Variants in MOV10L1 observed in about 807,000 individuals in gnomAD.
MOV10L1 encodes RNA helicase Mov10l1.
Under a neutral mutation model 143.8 loss-of-function variants are expected in MOV10L1, and 110 were observed. That is an observed-to-expected ratio of 0.76 (90% CI 0.66 to 0.90). The LOEUF is 0.90. Ranked by LOEUF, MOV10L1 falls within the 40% of genes least tolerant of loss-of-function variation. The pLI, the probability that MOV10L1 is intolerant of heterozygous loss-of-function variation, is 0.00. For missense variants in MOV10L1, 1,406 were observed against 1,526.8 expected, an observed-to-expected ratio of 0.92 and a Z score of 1.32; for synonymous variants, 593 against 581.1, an observed-to-expected ratio of 1.02 and a Z score of -0.29.
At chr22:50,144,075 C>A in intron 17 of MOV10L1, 22 bp from the exon 18 acceptor site, 1 of 1,596,566 alleles carries the variant, frequency 6.3e-7, no homozygotes, top group Non-Finnish European at 8.6e-7. Flanking sequence ...GAGCCTTGGT[C>A]TCTTGTGTGT....
chr22:50,113,605 G>T, intron 5 of MOV10L1, 43 bp from the exon 6 acceptor site: 1 of 1,601,798 alleles, frequency 6.2e-7, no homozygotes, highest in East Asian at 2.2e-5. Context: ...AGGAAGGGGT[G>T]GTGCTGCTGC....
intron 3 of MOV10L1, among the ~76,000 whole-genome samples, chr22:50,103,110 G>A (rs1392635425): frequency 6.6e-6 from 1 of 152,152 alleles, no homozygotes; most frequent in African/African-American, 2.4e-5. Flanking sequence ...ACAACCCTCT[G>A]AGGTTACCTA....
chr22:50,154,959 T>C (rs570310867), intron 22 of MOV10L1, among the ~76,000 whole-genome samples: 2 of 151,556 alleles, frequency 1.3e-5, no homozygotes, highest in Non-Finnish European at 2.9e-5. Flanking sequence ...ATTTAATCCA[T>C]TTTGGGAGTC....
At chr22:50,132,882 A>G (rs915639554) in intron 13 of MOV10L1, among the ~76,000 whole-genome samples, 3 of 152,146 alleles carry the variant, frequency 2.0e-5, no homozygotes, top group African/African-American at 7.2e-5. Flanking sequence ...TAAAAATACA[A>G]ATAATCAGCC....
chr22:50,091,871 C>T (rs2062453201), intron 1 of MOV10L1, 130 bp from the exon 2 acceptor site: 1 of 792,516 alleles, frequency 1.3e-6, no homozygotes. Flanking sequence ...CTCAAGTCAG[C>T]CCGTTCGGAG....
chr22:50,112,379 C>T (rs138220), intron 5 of MOV10L1, among the ~76,000 whole-genome samples: 39,503 of 152,124 alleles, frequency 0.26, 5,669 homozygotes, highest in Non-Finnish European at 0.33. Flanking sequence ...GGCTTCCTGT[C>T]TGTTCTCTGA....
At position 50,145,818 on chromosome 22, in the gene MOV10L1, C is replaced by A; in HGVS notation, c.2627+8C>A. 1 of 1,613,444 alleles carries A rather than the reference C, an allele frequency of 6.2e-7. No individual in the cohort carries two copies. Among genetic ancestry groups the A allele is most frequent in the Non-Finnish European group, 8.5e-7 (1 of 1,179,912 alleles). ...TTACCAAATAGGAGTGAGGTGAGCC[C>A]CGGGCATGGAGCGCGGCATGGGGCC... is the stretch of plus-strand genomic sequence containing the variant. On this transcript the variant is annotated splice_region_variant and intron_variant, in intron 19 of 26. Coordinates refer to ENST00000262794, the MANE Select transcript of MOV10L1 (RefSeq NM_018995.3).
At position 50,145,695 on chromosome 22, in the gene MOV10L1, A is replaced by G. The variant is rs1403587680; in HGVS notation, c.2512A>G (p.Ile838Val). ...NATCRFEEIV[I>V]DAVKPYCRDG... ...TACGCCTCCTTGCCCCCAGATAGTT[A>G]TTGACGCCGTCAAACCGTATTGCAG... is the stretch of plus-strand genomic sequence containing the variant. The change falls in exon 19 of 27, where the codon ATT (isoleucine) becomes GTT (valine). Residue 838 changes from isoleucine to valine, a missense_variant. By Grantham distance (29) the Ile-to-Val change is conservative. Transcript: ENST00000262794. 1 of 1,614,080 alleles carries G rather than the reference A, an allele frequency of 6.2e-7. No homozygotes were observed. The highest frequency in any genetic ancestry group is 2.2e-5 in the East Asian group (1 of 44,890).
intron 6 of MOV10L1, among the ~76,000 whole-genome samples, chr22:50,114,085 A>AT (rs1602191238): frequency 6.7e-6 from 1 of 149,914 alleles, no homozygotes; most frequent in African/African-American, 2.5e-5. Flanking sequence ...CGCCCGGCTA[A>AT]TTTTTTGTAT....
At chr22:50,119,459 G>C (rs1000915602) in intron 9 of MOV10L1, among the ~76,000 whole-genome samples, 2 of 152,058 alleles carry the variant, frequency 1.3e-5, no homozygotes, top group Admixed American at 6.5e-5. Context: ...TAGCAGATCT[G>C]TTCTGGGGGG....
intron 15 of MOV10L1, 143 bp from the exon 16 acceptor site, chr22:50,141,938 A>G (rs1332716847): frequency 4.6e-6 from 2 of 433,454 alleles, no homozygotes; most frequent in Non-Finnish European, 7.7e-6. Context: ...TTATTTTTCA[A>G]AGGGTCTGAC....
intron 13 of MOV10L1, among the ~76,000 whole-genome samples, chr22:50,133,805 A>C (rs1406269888): frequency 2.0e-5 from 3 of 152,016 alleles, no homozygotes; most frequent in African/African-American, 7.2e-5. Context: ...CGGCCTCCCA[A>C]AGTGCTGGGA....
chr22:50,117,260 G>A lies in MOV10L1; in HGVS notation c.1363G>A (p.Ala455Thr), dbSNP rs753769357. 4.6e-5 allele frequency: 75 copies of A among 1,613,970 alleles called. No individual in the cohort carries two copies. Among genetic ancestry groups the A allele is most frequent in the Non-Finnish European group, 6.3e-5 (74 of 1,180,036 alleles). ...NVISGEESLIAAREPFSWKKL... is the reference protein window; with the variant it reads ...NVISGEESLITAREPFSWKKL... ...TATCAGTGGGGAGGAGTCACTAATT[G>A]CTGCGCGCGAACCATTTTCTTGGAA... The change falls in exon 9 of 27, where the codon GCT becomes ACT. Residue 455 changes from alanine to threonine, a missense_variant. By Grantham distance (58) the Ala-to-Thr change is moderately conservative. Coordinates refer to ENST00000262794, the MANE Select transcript of MOV10L1 (RefSeq NM_018995.3).
At chr22:50,121,594 C>T (rs1402147047) in intron 10 of MOV10L1, among the ~76,000 whole-genome samples, 2 of 152,246 alleles carry the variant, frequency 1.3e-5, no homozygotes, top group Non-Finnish European at 2.9e-5. Flanking sequence ...AGATCCTGGG[C>T]AGGGAGGTTG....
chr22:50,156,272 C>T (rs1393742838), intron 22 of MOV10L1, among the ~76,000 whole-genome samples: 4 of 151,918 alleles, frequency 2.6e-5, no homozygotes, highest in Non-Finnish European at 5.9e-5. Flanking sequence ...TGCCCCACCA[C>T]GCCCAGCTAA....
intron 26 of MOV10L1, 96 bp downstream of exon 26, chr22:50,161,151 A>G: frequency 7.7e-7 from 1 of 1,294,146 alleles, no homozygotes; most frequent in Non-Finnish European, 1.1e-6. Context: ...CCACTTACCC[A>G]CCTGCAGCCT....
At chr22:50,137,128 T>C (rs546364556) in intron 15 of MOV10L1, among the ~76,000 whole-genome samples, 115 of 152,264 alleles carry the variant, frequency 7.6e-4, no homozygotes, top group African/African-American at 2.7e-3. Flanking sequence ...AAATGGACAC[T>C]GACATCTGGT....
At chr22:50,122,028 A>G (rs2062360782) in intron 10 of MOV10L1, among the ~76,000 whole-genome samples, 1 of 152,018 alleles carries the variant, frequency 6.6e-6, no homozygotes, top group Admixed American at 6.5e-5. Flanking sequence ...GGCCTCAAGT[A>G]TTCCTCCCGC....
chr22:50,124,581 C>T (rs1288237600), intron 10 of MOV10L1, among the ~76,000 whole-genome samples: 1 of 152,200 alleles, frequency 6.6e-6, no homozygotes, highest in Non-Finnish European at 1.5e-5. Context: ...ACTTTCTGCC[C>T]TCCCACTTTC....
Sources: gnomAD v4.1 joint callset for allele counts (sites outside exome capture counted in the v4.1 genomes callset) on GRCh38, gnomAD v4.1.1 for gene constraint, MANE v1.5 for transcripts, NCBI Gene and HGNC (gene_info 2026-07-23, HGNC 2026-07-21) for gene names.